NID1: variants seen among roughly 807,000 people sequenced by gnomAD.
The protein encoded by NID1 is nidogen-1.
NID1 carries 76 observed loss-of-function variants against 130.6 expected under a neutral mutation model. The observed-to-expected ratio is 0.58, with a 90% CI of 0.48 to 0.70. The LOEUF (loss-of-function observed/expected upper bound fraction) is 0.70, where lower values mean the gene tolerates loss of function less well. Among genes scored for constraint, NID1 ranks in the 30% least tolerant of loss-of-function variants. NID1 has a pLI of 0.00. For synonymous variants in NID1, 665 were observed against 675.1 expected (o/e 0.98, Z 0.23); for missense variants, 1,517 against 1,664.8 (o/e 0.91, Z 1.54).
In NID1 at chr1:236,048,718, G is replaced by T. The variant is rs1331632968; in HGVS notation, c.497C>A (p.Pro166His). ...TWESVAPYQG[P>H]SRDPDQKGKR... ...GCCTTTCTGGTCTGGGTCCCTGCTG[G>T]GCCCTTGGTAGGGGGCCACGGATTC... The change falls in exon 2 of 20, where the codon CCC becomes CAC. Residue 166 changes from proline to histidine, a missense_variant. Pro to His is a moderately conservative substitution (Grantham distance 77). This residue lies in a region of NID1 where 1,329 missense variants were observed against 1,429.2 expected (regional missense o/e 0.93). Transcript: ENST00000264187. 1 of 1,612,140 alleles carries T rather than the reference G, an allele frequency of 6.2e-7. No individual in the cohort carries two copies. The highest frequency in any genetic ancestry group is 8.5e-7 in the Non-Finnish European group (1 of 1,179,936).
rs186801960 is a variant in NID1, at chr1:235,994,312, G to A, written c.2528-440C>T. Among the ~76,000 whole-genome samples, 189 of 151,976 alleles carry A rather than the reference G, an allele frequency of 1.2e-3. 1 individual carries two copies. Among genetic ancestry groups the A allele is most frequent in the African/African-American group, 4.4e-3 (184 of 41,480 alleles). ...TGAGTAGCTGGGATTACAGGCACCC[G>A]CCACCAAGCCCAGGTAATTTTGTAT... On this transcript the variant is annotated intron_variant, in intron 12 of 19. Coordinates refer to ENST00000264187, the MANE Select transcript of NID1 (RefSeq NM_002508.3).
At position 235,977,750 on chromosome 1, in the gene NID1, G is replaced by C; in HGVS notation, c.*117C>G. 8.4e-7 allele frequency: 1 copy of C among 1,188,552 alleles called. No homozygotes were observed. The highest frequency in any genetic ancestry group is 1.2e-6 in the Non-Finnish European group (1 of 829,752). The allele number at this position is 1,188,552 out of a possible 1,614,324, so 73.6% of individuals were successfully genotyped here. ...GGAAAAGTTGTTGGGGCTCAGGCTG[G>C]GCTGGGTCTGGGCCTAGTGGCCACT... On this transcript the variant is annotated 3_prime_UTR_variant, in exon 20 of 20. Coordinates refer to ENST00000264187, the MANE Select transcript of NID1 (RefSeq NM_002508.3).
In NID1 at chr1:235,993,869, A is replaced by G; in HGVS notation, c.2531T>C (p.Val844Ala). The change falls in exon 13 of 20, where the codon GTG (valine) becomes GCG (alanine). Residue 844 changes from valine (V) to alanine (A), a missense_variant. Around this residue, in one of 3 missense-constraint regions of NID1, gnomAD observed 1,329 missense variants for 1,429.2 expected, o/e 0.93. Coordinates refer to ENST00000264187, the MANE Select transcript of NID1 (RefSeq NM_002508.3). Reference sequence around the variant, plus strand: ...CTCGTGCTGGCACCGGGTTTTCTCCACCTCTATCAGAGAAACAGGCAACAA... The same window carrying G: ...CTCGTGCTGGCACCGGGTTTTCTCCGCCTCTATCAGAGAAACAGGCAACAA... ...GDGFRCVPGE[V>A]EKTRCQHERE... 4 of 1,609,146 alleles carry G rather than the reference A, an allele frequency of 2.5e-6. No homozygotes were observed. The highest frequency in any genetic ancestry group is 3.4e-6 in the Non-Finnish European group (4 of 1,176,164).
At chr1:236,057,519 C>A (rs1225931926) in intron 1 of NID1, among the ~76,000 whole-genome samples, 1 of 151,886 alleles carries the variant, frequency 6.6e-6, no homozygotes, top group Non-Finnish European at 1.5e-5. Flanking sequence ...CACCTGAGGT[C>A]GGGAGTTTGA....
intron 2 of NID1, among the ~76,000 whole-genome samples, chr1:236,046,939 C>T (rs1315162495): frequency 6.6e-6 from 1 of 152,112 alleles, no homozygotes; most frequent in African/African-American, 2.4e-5. Flanking sequence ...GGTTTGGAGA[C>T]TGCTCAGTTA....
chr1:236,032,158 C>T (rs771503644), intron 6 of NID1, among the ~76,000 whole-genome samples: 11 of 152,152 alleles, frequency 7.2e-5, no homozygotes, highest in Non-Finnish European at 1.5e-4. Flanking sequence ...AATTGCTCCT[C>T]AATCAAAACC....
Position 236,041,845 on chromosome 1 carries a change from C to G in NID1, c.1135+65G>C, listed in dbSNP as rs1659460981. ...ATGCTCACAACTGACATCTCCCCAG[C>G]AGTACGCCTGTCTGGAAGCCCACAC... On this transcript the variant is annotated intron_variant, in intron 4 of 19. Transcript: ENST00000264187. 15 of 1,534,616 alleles carry G rather than the reference C, an allele frequency of 9.8e-6. No individual in the cohort carries two copies. The South Asian group carries it at 1.8e-4, about 18-fold the overall frequency.
chr1:236,020,551 A>G (rs1658731421), intron 9 of NID1, among the ~76,000 whole-genome samples: 2 of 152,124 alleles, frequency 1.3e-5, no homozygotes, highest in Non-Finnish European at 2.9e-5. Context: ...ATCGTCTCCA[A>G]ATTACTGTGG....
chr1:236,003,105 C>CACTCCTAGTGAACGAG (rs1558428620), intron 12 of NID1, among the ~76,000 whole-genome samples: 7 of 106,548 alleles, frequency 6.6e-5, no homozygotes, highest in South Asian at 2.8e-4. Flanking sequence ...TAGTGAACGA[C>CACTCCTAGTGAACGAG]TGGTAGTTGT....
intron 4 of NID1, among the ~76,000 whole-genome samples, chr1:236,039,958 T>A (rs1659400195): frequency 6.6e-6 from 1 of 152,142 alleles, no homozygotes; most frequent in African/African-American, 2.4e-5. Context: ...ACCTTTCTCT[T>A]CAACATAGGG....
At position 236,013,504 on chromosome 1, in the gene NID1, T is replaced by C. The variant is rs1339396688; in HGVS notation, c.2311A>G (p.Ile771Val). Residue 771 changes from isoleucine (I) to valine (V), a missense_variant, in exon 11 of 20, where the codon ATA becomes GTA. Around this residue, in one of 3 missense-constraint regions of NID1, gnomAD observed 1,329 missense variants for 1,429.2 expected, o/e 0.93. Coordinates refer to ENST00000264187, the MANE Select transcript of NID1 (RefSeq NM_002508.3). ...TAGATACACTGGGCCCGCTGGGGTA[T>C]GTCGCAGTTATGAAGGCCAGTTTCA... Reference protein sequence around the residue: ...YCETGLHNCDIPQRAQCIYTG... With the variant: ...YCETGLHNCDVPQRAQCIYTG... 1 of 1,614,074 alleles carries C rather than the reference T, an allele frequency of 6.2e-7. No homozygotes were observed. Among genetic ancestry groups the C allele is most frequent in the Non-Finnish European group, 8.5e-7 (1 of 1,180,012 alleles).
intron 12 of NID1, among the ~76,000 whole-genome samples, chr1:236,005,416 A>C (rs984069264): frequency 4.6e-5 from 7 of 152,162 alleles, no homozygotes; most frequent in African/African-American, 1.7e-4. Context: ...GTAAGACACA[A>C]CTCTCAAGAT....
rs949254700 is a variant in NID1 at position 235,976,397 on chromosome 1, C to T, written c.*1470G>A. On this transcript the variant is annotated 3_prime_UTR_variant, in exon 20 of 20. Transcript: ENST00000264187. ...ATGTACCATTTTCTTTTTGGAGTTA[C>T]TTAAGAGTTTTACTTATTGCTGTTC... is the stretch of plus-strand genomic sequence containing the variant. 2 of 152,166 alleles carry T rather than the reference C, an allele frequency of 1.3e-5. No individual in the cohort carries two copies. Among genetic ancestry groups the T allele is most frequent in the African/African-American group, 4.8e-5 (2 of 41,434 alleles). The allele number at this position is 152,166 out of a possible 1,614,324, so 9.4% of individuals were successfully genotyped here.
intron 7 of NID1, among the ~76,000 whole-genome samples, chr1:236,027,765 G>A (rs747923290): frequency 2.6e-4 from 40 of 151,970 alleles, no homozygotes; most frequent in African/African-American, 6.5e-4. Context: ...GGAAGCAGAC[G>A]TTGCAGTGAG....
chr1:236,043,095 C>A (rs1558445831), intron 3 of NID1, among the ~76,000 whole-genome samples: 2 of 152,202 alleles, frequency 1.3e-5, no homozygotes, highest in Non-Finnish European at 2.9e-5. Context: ...GGCATAGAAA[C>A]CCTGCCCCCT....
chr1:236,033,082 C>T (rs1659148203), intron 5 of NID1, among the ~76,000 whole-genome samples: 1 of 152,088 alleles, frequency 6.6e-6, no homozygotes, highest in African/African-American at 2.4e-5. Flanking sequence ...CCGAGGCAGG[C>T]AGATCACCTG....
intron 12 of NID1, among the ~76,000 whole-genome samples, chr1:235,995,733 G>C (rs146201602): frequency 8.1e-4 from 123 of 152,300 alleles, no homozygotes; most frequent in Admixed American, 1.3e-3. Context: ...AGCTCCCCAG[G>C]GCTGAGTCCA....
chr1:236,038,351 A>T, intron 4 of NID1, 98 bp from the exon 5 acceptor site: 1 of 1,281,772 alleles, frequency 7.8e-7, no homozygotes, highest in Non-Finnish European at 1.1e-6. Flanking sequence ...GCAGGGACTC[A>T]CACCTGCATG....
chr1:236,044,341 G>A (rs1659537951), intron 3 of NID1, among the ~76,000 whole-genome samples: 1 of 151,984 alleles, frequency 6.6e-6, no homozygotes, highest in Non-Finnish European at 1.5e-5. Flanking sequence ...TTTTTAAAAG[G>A]AAAAAATATT....
Sources: gnomAD v4.1 joint callset for allele counts (sites outside exome capture counted in the v4.1 genomes callset) on GRCh38, gnomAD v4.1.1 for gene constraint, gnomAD v4.1.1 regional missense constraint, MANE v1.5 for transcripts, NCBI Gene and HGNC (gene_info 2026-07-23, HGNC 2026-07-21) for gene names.